The following HMGB1 variants were observed in gnomAD, a reference collection of about 807,000 sequenced individuals.
HMGB1 encodes the protein high mobility group protein B1.
For missense variants in HMGB1, 79 were observed against 253.5 expected (o/e 0.31, Z 4.67); for synonymous variants, 81 against 84.0 (o/e 0.96, Z 0.19).
At chr13:30,507,973 G>A (rs1005769664) in intron 1 of HMGB1, among the ~76,000 whole-genome samples, 4 of 151,984 alleles carry the variant, frequency 2.6e-5, no homozygotes, top group Non-Finnish European at 5.9e-5. Flanking sequence ...TTCCAGCCTG[G>A]GCCACAGAGT....
chr13:30,511,605 T>C (rs1205424514), intron 1 of HMGB1, among the ~76,000 whole-genome samples: 2 of 152,224 alleles, frequency 1.3e-5, no homozygotes, highest in Non-Finnish European at 1.5e-5. Flanking sequence ...AACAGACTAA[T>C]ACACCAAGTC....
At chr13:30,518,006 A>G (rs1888138620) in intron 1 of HMGB1, among the ~76,000 whole-genome samples, 1 of 152,154 alleles carries the variant, frequency 6.6e-6, no homozygotes, top group Non-Finnish European at 1.5e-5. Flanking sequence ...GTGTAGTCAG[A>G]GAAAGACCAG....
intron 1 of HMGB1, among the ~76,000 whole-genome samples, chr13:30,481,751 G>A (rs1887233221): frequency 6.6e-6 from 1 of 152,194 alleles, no homozygotes; most frequent in Admixed American, 6.5e-5. Flanking sequence ...GTGCTCAAGG[G>A]AAAAAGGACG....
intron 1 of HMGB1, among the ~76,000 whole-genome samples, chr13:30,539,099 G>A (rs960164070): frequency 1.3e-5 from 2 of 152,098 alleles, no homozygotes; most frequent in Non-Finnish European, 2.9e-5. Context: ...GTTTCACCAT[G>A]TTGGCCTGGA....
At chr13:30,611,851 T>TAAA (rs60637307) in intron 1 of HMGB1, among the ~76,000 whole-genome samples, 96 of 120,600 alleles carry the variant, frequency 8.0e-4, no homozygotes, top group African/African-American at 2.6e-3. Flanking sequence ...ACAGTAAATG[T>TAAA]AAAAAAAAAA....
intron 1 of HMGB1, among the ~76,000 whole-genome samples, chr13:30,529,372 C>T (rs746887731): frequency 1.3e-5 from 2 of 152,118 alleles, no homozygotes; most frequent in Non-Finnish European, 2.9e-5. Context: ...GTCCTATGAA[C>T]CAAGGACAAC....
chr13:30,490,325 A>G (rs1172678742), intron 1 of HMGB1, among the ~76,000 whole-genome samples: 1 of 152,122 alleles, frequency 6.6e-6, no homozygotes, highest in East Asian at 1.9e-4. Context: ...TCAATTAAGA[A>G]TTTAGGAATT....
chr13:30,503,565 GC>G (rs1593279103), intron 1 of HMGB1, among the ~76,000 whole-genome samples: 2 of 151,340 alleles, frequency 1.3e-5, no homozygotes, highest in East Asian at 3.9e-4. Context: ...TCTGTTGCCA[GC>G]CTACAGATTT....
intron 1 of HMGB1, among the ~76,000 whole-genome samples, chr13:30,509,773 G>A (rs897737836): frequency 6.6e-6 from 1 of 152,106 alleles, no homozygotes; most frequent in Non-Finnish European, 1.5e-5. Flanking sequence ...CTGTATTCAA[G>A]GTCCATGCAT....
At chr13:30,505,469 C>T (rs182780604) in intron 1 of HMGB1, among the ~76,000 whole-genome samples, 82 of 152,006 alleles carry the variant, frequency 5.4e-4, no homozygotes, top group Middle Eastern at 3.4e-3. Context: ...TAAGCCACCG[C>T]GCCCAACCAT....
chr13:30,477,116 A>G (rs1282546369), intron 1 of HMGB1, among the ~76,000 whole-genome samples: 1 of 152,104 alleles, frequency 6.6e-6, no homozygotes, highest in Non-Finnish European at 1.5e-5. Context: ...ACATTTCCCC[A>G]CCTAAATATG....
At chr13:30,522,012 C>T (rs1029915335) in intron 1 of HMGB1, among the ~76,000 whole-genome samples, 1 of 152,064 alleles carries the variant, frequency 6.6e-6, no homozygotes, top group Non-Finnish European at 1.5e-5. Context: ...TATCAACATT[C>T]CTTATACACA....
At chr13:30,491,953 G>A (rs1291855706) in intron 1 of HMGB1, among the ~76,000 whole-genome samples, 2 of 152,150 alleles carry the variant, frequency 1.3e-5, no homozygotes, top group African/African-American at 4.8e-5. Flanking sequence ...CAGATCAGGA[G>A]GTCAGGAGAT....
At position 30,465,832 on chromosome 13, in the gene HMGB1, G is replaced by T; in HGVS notation, c.-51C>A. On this transcript the variant is annotated 5_prime_UTR_variant, in exon 1 of 5. Coordinates refer to ENST00000341423, the MANE Select transcript of HMGB1 (RefSeq NM_002128.7). ...CACAGAGTCGCCCAGTGCCCGTCCG[G>T]CTCTCACTTGCCCCGGTGCTGTCTC... 1 of 985,578 alleles carries T rather than the reference G, an allele frequency of 1.0e-6. No individual in the cohort carries two copies. The highest frequency in any genetic ancestry group is 1.2e-6 in the Non-Finnish European group (1 of 829,674). The allele number at this position is 985,578 out of a possible 1,614,324, so 61.1% of individuals were successfully genotyped here. A position where few individuals can be genotyped will look rare whatever the true frequency, so the allele number is the denominator to read the frequency against.
intron 1 of HMGB1, among the ~76,000 whole-genome samples, chr13:30,580,874 C>T (rs1478277398): frequency 1.3e-5 from 2 of 152,114 alleles, no homozygotes; most frequent in African/African-American, 2.4e-5. Flanking sequence ...GTAGCTAATC[C>T]TCATTGGTCG....
rs772627106 is a variant in HMGB1, at chr13:30,559,620, G to A, written c.-15+57051C>T. Among the ~76,000 whole-genome samples the A allele has an allele frequency of 3.9e-5, 6 of 152,118 alleles. No individual in the cohort carries two copies. Among genetic ancestry groups the A allele is most frequent in the East Asian group, 3.8e-4 (2 of 5,196 alleles). On this transcript the variant is annotated intron_variant, in intron 1 of 4. Transcript: ENST00000405805. This position sits in a 1 kb window ranked among gnomAD's most constrained non-coding sequence, Gnocchi z 6.6. ...TAGGGAAATCAGTTTTTAAGAAAGC[G>A]GATGGAATTCAGCTGCAAATAGATG... is the stretch of plus-strand genomic sequence containing the variant.
At chr13:30,557,723 GTTACCTGATTC>G (rs2137520590) in intron 1 of HMGB1, among the ~76,000 whole-genome samples, 1 of 152,300 alleles carries the variant, frequency 6.6e-6, no homozygotes, top group East Asian at 1.9e-4. Context: ...AAAGCTAATT[GTTACCTGATTC>G]TTAAACTTGG....
intron 1 of HMGB1, among the ~76,000 whole-genome samples, chr13:30,549,945 G>C (rs1869347249): frequency 6.6e-6 from 1 of 152,014 alleles, no homozygotes; most frequent in Non-Finnish European, 1.5e-5. Flanking sequence ...TGGAACTCCT[G>C]ACCCCAAGTA....
chr13:30,580,362 C>A (rs138167758), intron 1 of HMGB1, among the ~76,000 whole-genome samples: 3 of 152,196 alleles, frequency 2.0e-5, no homozygotes, highest in Admixed American at 2.0e-4. Context: ...TGTGGCACTA[C>A]GAGAAAGAAA....
Sources: allele counts gnomAD v4.1 joint callset (sites outside exome capture counted in the v4.1 genomes callset), GRCh38; gene constraint gnomAD v4.1.1; non-coding constraint Gnocchi (gnomAD v3.1); transcripts MANE v1.5; gene names NCBI Gene and HGNC (gene_info 2026-07-23, HGNC 2026-07-21).